Variants in PPM1D observed in about 807,000 individuals in gnomAD.
The protein encoded by PPM1D is protein phosphatase, Mg2+/Mn2+ dependent 1D, also known as protein phosphatase 1D.
PPM1D carries 52 observed loss-of-function variants against 58.3 expected under a neutral mutation model. The observed-to-expected ratio is 0.89, with a 90% CI of 0.71 to 1.12. The LOEUF is 1.12. Ranked by LOEUF, PPM1D falls within the 50% of genes most tolerant of loss-of-function variation. The probability of loss-of-function intolerance (pLI) is 0.00; values close to 1 mark genes in which losing one functional copy is unlikely to be tolerated. For missense variants in PPM1D, 564 were observed against 777.2 expected, an observed-to-expected ratio of 0.73 and a Z score of 3.26; for synonymous variants, 278 against 285.1, an observed-to-expected ratio of 0.98 and a Z score of 0.25.
At chr17:60,650,638 T>C (rs2031326174) in intron 4 of PPM1D, among the ~76,000 whole-genome samples, 2 of 152,068 alleles carry the variant, frequency 1.3e-5, no homozygotes, top group Non-Finnish European at 2.9e-5. Context: ...AGGAAGAATA[T>C]GATGACACCT....
At chr17:60,645,788 C>CTGTATATG (rs1193315612) in intron 3 of PPM1D, among the ~76,000 whole-genome samples, 1 of 151,098 alleles carries the variant, frequency 6.6e-6, no homozygotes, top group Non-Finnish European at 1.5e-5. Context: ...AGAATTTTCA[C>CTGTATATG]TGTATATGTA....
At position 60,600,505 on chromosome 17, in the gene PPM1D, C is replaced by T. The variant is rs757366012; in HGVS notation, c.91C>T (p.Pro31Ser). 31 of 1,569,128 alleles carry T rather than the reference C, an allele frequency of 2.0e-5. No homozygotes were observed. The highest frequency in any genetic ancestry group is 2.7e-5 in the African/African-American group (2 of 74,006). The change falls in exon 1 of 6, where the codon CCC becomes TCC. Residue 31 changes from proline (P) to serine (S), a missense_variant. Pro to Ser is a moderately conservative substitution (Grantham distance 74). Coordinates refer to ENST00000305921, the MANE Select transcript of PPM1D (RefSeq NM_003620.4). The stretch of plus-strand genomic sequence containing the variant: ...GGACGTTACTCAAATCGTTGTGGAG[C>T]CCGAACCGACGGCTGAAGAAAAGCC... ...MEDVTQIVVE[P>S]EPTAEEKPSP...
At chr17:60,602,402 A>T (rs1377296082) in intron 1 of PPM1D, among the ~76,000 whole-genome samples, 1 of 152,094 alleles carries the variant, frequency 6.6e-6, no homozygotes, top group Non-Finnish European at 1.5e-5. Context: ...TTTAAGGTAT[A>T]AACTCCGTTA....
At chr17:60,650,782 C>T (rs1288191370) in intron 4 of PPM1D, among the ~76,000 whole-genome samples, 1 of 151,962 alleles carries the variant, frequency 6.6e-6, no homozygotes, top group Non-Finnish European at 1.5e-5. Flanking sequence ...TAGATATCTT[C>T]AGTAGGCAGT....
Position 60,647,315 on chromosome 17 carries a change from C to T in PPM1D, c.827-577C>T, listed in dbSNP as rs187564757. Among the ~76,000 whole-genome samples the T allele has an allele frequency of 1.9e-3, 296 of 152,128 alleles. 1 individual carries two copies. The highest frequency in any genetic ancestry group is 3.7e-3 in the Non-Finnish European group (250 of 67,990). ...ATGTATACCGTTTGTTAAAGTTGTTCCTAAGTTCCTTACATTTGGTTCATT... is the reference window on the plus strand; with the variant it reads ...ATGTATACCGTTTGTTAAAGTTGTTTCTAAGTTCCTTACATTTGGTTCATT... On this transcript the variant is annotated intron_variant, in intron 3 of 5. Transcript: ENST00000305921.
chr17:60,615,820 C>T (rs1047882580), intron 1 of PPM1D, among the ~76,000 whole-genome samples: 3 of 151,436 alleles, frequency 2.0e-5, no homozygotes, highest in African/African-American at 4.9e-5. Flanking sequence ...CCTGCACCTC[C>T]CTCCCCCTTT....
At chr17:60,651,341 C>A (rs968418867) in intron 4 of PPM1D, among the ~76,000 whole-genome samples, 2 of 151,282 alleles carry the variant, frequency 1.3e-5, no homozygotes, top group African/African-American at 4.9e-5. Flanking sequence ...CTTTTAATAT[C>A]TCTGAAATTG....
chr17:60,600,688 T>TGCC lies in PPM1D; in HGVS notation c.282_284dup (p.Arg95dup). ...GGCCTCGCCGGCACCTAGCCGCTGC[T>TGCC]GCCGCCGCCGTTCCTCCGTGGCCTT... On this transcript the variant is annotated inframe_insertion, in exon 1 of 6. Transcript: ENST00000305921. The TGCC allele has an allele frequency of 5.0e-6, 8 of 1,588,574 alleles. No individual in the cohort carries two copies. Among genetic ancestry groups the TGCC allele is most frequent in the Non-Finnish European group, 6.8e-6 (8 of 1,169,274 alleles).
At chr17:60,628,311 C>T (rs899690586) in intron 2 of PPM1D, among the ~76,000 whole-genome samples, 1 of 152,200 alleles carries the variant, frequency 6.6e-6, no homozygotes, top group African/African-American at 2.4e-5. Flanking sequence ...CTATCCTTCT[C>T]CAGAGTGTTT....
rs1384337634 is a variant in PPM1D at position 60,656,774 on chromosome 17, G to A, written c.1193G>A (p.Ser398Asn). 1 of 1,614,168 alleles carries A rather than the reference G, an allele frequency of 6.2e-7. No homozygotes were observed. Among genetic ancestry groups the A allele is most frequent in the Admixed American group, 1.7e-5 (1 of 60,022 alleles). ...EDELYLNLTD[S>N]PSYNSQETCV... is the part of the protein sequence containing the mutation. The stretch of plus-strand genomic sequence containing the variant: ...GAGTTATACCTGAACCTGACTGACA[G>A]CCCTTCCTATAATAGTCAAGAAACC... The change falls in exon 5 of 6, where the codon AGC becomes AAC. Residue 398 changes from serine to asparagine, a missense_variant. Around this residue, in one of 7 missense-constraint regions of PPM1D, gnomAD observed 261 missense variants for 270.1 expected, o/e 0.97. Coordinates refer to ENST00000305921, the MANE Select transcript of PPM1D (RefSeq NM_003620.4).
chr17:60,605,077 C>A (rs2030302099), intron 1 of PPM1D, among the ~76,000 whole-genome samples: 1 of 152,162 alleles, frequency 6.6e-6, no homozygotes. Context: ...CTGCCTCGGC[C>A]TCCCACAGGC....
chr17:60,661,519 A>C (rs1177005418), intron 5 of PPM1D, among the ~76,000 whole-genome samples: 2 of 152,296 alleles, frequency 1.3e-5, no homozygotes, highest in South Asian at 2.1e-4. Flanking sequence ...GTGAGCGGCT[A>C]TTCTGAGTAT....
intron 1 of PPM1D, among the ~76,000 whole-genome samples, chr17:60,605,930 C>A (rs919263019): frequency 2.6e-5 from 4 of 152,106 alleles, no homozygotes; most frequent in African/African-American, 9.6e-5. Flanking sequence ...AAATTTATAC[C>A]ATTTTAGCCA....
chr17:60,639,523 C>T (rs898715159), intron 3 of PPM1D, among the ~76,000 whole-genome samples: 6 of 151,892 alleles, frequency 4.0e-5, no homozygotes, highest in African/African-American at 9.7e-5. Flanking sequence ...TTGCAGCCTC[C>T]GCCTTCCGGG....
intron 1 of PPM1D, among the ~76,000 whole-genome samples, chr17:60,621,310 A>G (rs979550264): frequency 6.6e-6 from 1 of 152,108 alleles, no homozygotes; most frequent in Non-Finnish European, 1.5e-5. Flanking sequence ...CAAGGGTACA[A>G]TTTCATTCTT....
intron 4 of PPM1D, among the ~76,000 whole-genome samples, chr17:60,649,013 C>T (rs1185547558): frequency 1.3e-5 from 2 of 151,966 alleles, no homozygotes; most frequent in East Asian, 3.9e-4. Context: ...GATGCCTCAG[C>T]CCCACAAAGT....
intron 4 of PPM1D, among the ~76,000 whole-genome samples, chr17:60,650,875 G>C (rs973214957): frequency 6.6e-6 from 1 of 151,720 alleles, no homozygotes; most frequent in Non-Finnish European, 1.5e-5. Flanking sequence ...TTAACCCCAG[G>C]AGTTCAAGGC....
chr17:60,662,053 G>A (rs950733592), intron 5 of PPM1D, among the ~76,000 whole-genome samples: 1 of 152,126 alleles, frequency 6.6e-6, no homozygotes, highest in Admixed American at 6.5e-5. Context: ...CTGGAGTGCA[G>A]TGGTGCGATC....
At chr17:60,655,385 G>A (rs188852348) in intron 4 of PPM1D, among the ~76,000 whole-genome samples, 1 of 152,330 alleles carries the variant, frequency 6.6e-6, no homozygotes, top group African/African-American at 2.4e-5. Context: ...GTCTCGCTCT[G>A]TCGCCCAGGC....
Sources: gnomAD v4.1 joint callset for allele counts (sites outside exome capture counted in the v4.1 genomes callset) on GRCh38, gnomAD v4.1.1 for gene constraint, gnomAD v4.1.1 regional missense constraint, MANE v1.5 for transcripts, NCBI Gene and HGNC (gene_info 2026-07-23, HGNC 2026-07-21) for gene names.